SEMA3A: variants seen among roughly 807,000 people sequenced by gnomAD.
SEMA3A encodes the protein semaphorin-3A.
Under a neutral mutation model 97.9 loss-of-function variants are expected in SEMA3A, and 29 were observed. The observed-to-expected ratio is 0.30, with a 90% CI of 0.22 to 0.40. The LOEUF is 0.40. SEMA3A is among the 10% of genes least tolerant of loss of function. SEMA3A has a pLI of 1.00. For synonymous variants in SEMA3A, 321 were observed against 323.7 expected (o/e 0.99, Z 0.09); for missense variants, 763 against 951.3 (o/e 0.80, Z 2.60).
chr7:84,230,706 T>C (rs1269927931), intron 3 of SEMA3A, among the ~76,000 whole-genome samples: 1 of 152,014 alleles, frequency 6.6e-6, no homozygotes, highest in Non-Finnish European at 1.5e-5. Flanking sequence ...TCTCAACTTC[T>C]CTTGATTACA....
At chr7:84,340,309 G>A (rs1302938860) in intron 2 of SEMA3A, among the ~76,000 whole-genome samples, 1 of 152,090 alleles carries the variant, frequency 6.6e-6, no homozygotes, top group East Asian at 1.9e-4. Flanking sequence ...ATTATAGCAT[G>A]TAATTAAAAG....
chr7:84,113,526 C>T (rs549746328), intron 3 of SEMA3A, among the ~76,000 whole-genome samples: 43 of 152,228 alleles, frequency 2.8e-4, no homozygotes, highest in Middle Eastern at 6.8e-3. Context: ...TGAACCATGA[C>T]GATTCTTAAA....
intron 3 of SEMA3A, among the ~76,000 whole-genome samples, chr7:84,116,576 G>T (rs1396036309): frequency 6.6e-6 from 1 of 152,014 alleles, no homozygotes; most frequent in Non-Finnish European, 1.5e-5. Flanking sequence ...ACTCTATTTG[G>T]GGATTAGGGT....
chr7:84,249,985 CGT>C (rs1164606028), intron 3 of SEMA3A, among the ~76,000 whole-genome samples: 5 of 150,640 alleles, frequency 3.3e-5, no homozygotes, highest in Admixed American at 6.6e-5. Context: ...TCTGCTCAAA[CGT>C]ATGAAATATT....
chr7:84,122,311 C>T (rs7780521), intron 3 of SEMA3A, among the ~76,000 whole-genome samples: 35,960 of 151,816 alleles, frequency 0.24, 4,452 homozygotes, highest in African/African-American at 0.31. Flanking sequence ...ATGTAGCCAA[C>T]AGAAACATGA....
chr7:84,314,583 G>A (rs1801447535), intron 2 of SEMA3A, among the ~76,000 whole-genome samples: 1 of 152,134 alleles, frequency 6.6e-6, no homozygotes, highest in African/African-American at 2.4e-5. Context: ...CATATAATGT[G>A]TGCAATATAT....
At chr7:84,250,129 C>T (rs1180209537) in intron 3 of SEMA3A, among the ~76,000 whole-genome samples, 1 of 151,732 alleles carries the variant, frequency 6.6e-6, no homozygotes, top group East Asian at 1.9e-4. Flanking sequence ...ATAAACTATA[C>T]TGGTGTGTGA....
chr7:84,026,190 A>C (rs1165681923), intron 6 of SEMA3A, among the ~76,000 whole-genome samples: 9 of 152,188 alleles, frequency 5.9e-5, no homozygotes, highest in Non-Finnish European at 1.5e-5. Context: ...CATCACGAAC[A>C]TCACTGTGGT....
chr7:84,073,653 A>G (rs1793829352), intron 4 of SEMA3A, among the ~76,000 whole-genome samples: 1 of 152,216 alleles, frequency 6.6e-6, no homozygotes, highest in East Asian at 1.9e-4. Flanking sequence ...TTAGAGACAC[A>G]CAAGCCTGGC....
intron 4 of SEMA3A, among the ~76,000 whole-genome samples, chr7:84,095,338 T>TGGC (rs1328769747): frequency 0.015 from 838 of 55,886 alleles, 14 homozygotes; most frequent in Non-Finnish European, 0.026. Context: ...ATATTATATA[T>TGGC]ATTTTATATT....
chr7:84,158,546 C>A (rs900733063), intron 1 of SEMA3A, among the ~76,000 whole-genome samples: 5 of 152,100 alleles, frequency 3.3e-5, no homozygotes, highest in Admixed American at 3.3e-4. Context: ...TGCTTCAGAG[C>A]ATTTATCATA....
chr7:84,049,733 CTTT>C (rs1792523481), intron 5 of SEMA3A, among the ~76,000 whole-genome samples: 2 of 150,100 alleles, frequency 1.3e-5, no homozygotes, highest in Admixed American at 6.7e-5. Context: ...TATTATTATA[CTTT>C]AAGTTTTAGG....
chr7:84,057,751 G>GATAAATAAATAAATAA (rs71297135), intron 5 of SEMA3A, among the ~76,000 whole-genome samples: 35 of 142,714 alleles, frequency 2.5e-4, no homozygotes, highest in African/African-American at 3.6e-4. Flanking sequence ...GACAGAGCAA[G>GATAAATAAATAAATAA]ATAAATAAAT....
At chr7:84,124,725 G>A (rs904190218) in intron 3 of SEMA3A, among the ~76,000 whole-genome samples, 7 of 151,944 alleles carry the variant, frequency 4.6e-5, no homozygotes, top group African/African-American at 1.7e-4. Flanking sequence ...AAATCCCAGG[G>A]ATCCATCCAA....
chr7:83,988,163 T>G lies in SEMA3A; in HGVS notation c.1453-2686A>C, dbSNP rs1028465393. ...ATTTACTGTTCCTTGCCCACTCCTT[T>G]CTACTCTCCTTTGGATGCTATTTTT... On this transcript the variant is annotated intron_variant, in intron 12 of 16. Transcript: ENST00000265362. 3.9e-5 allele frequency among the ~76,000 whole-genome samples: 6 copies of G among 152,302 alleles called. No individual in the cohort carries two copies. The East Asian group carries it at 1.2e-3, about 29-fold the overall frequency.
intron 1 of SEMA3A, among the ~76,000 whole-genome samples, chr7:84,396,293 G>T (rs1803729879): frequency 6.6e-6 from 1 of 151,024 alleles, no homozygotes; most frequent in Non-Finnish European, 1.5e-5. Context: ...ATCAGCAACA[G>T]GGTCAATACA....
At chr7:84,471,977 T>G (rs1806165687) in intron 1 of SEMA3A, among the ~76,000 whole-genome samples, 1 of 151,950 alleles carries the variant, frequency 6.6e-6, no homozygotes, top group Non-Finnish European at 1.5e-5. Flanking sequence ...TTATTATTAA[T>G]TGCATTGACC....
At chr7:84,396,526 T>C (rs1200640137) in intron 1 of SEMA3A, among the ~76,000 whole-genome samples, 1 of 151,866 alleles carries the variant, frequency 6.6e-6, no homozygotes, top group Non-Finnish European at 1.5e-5. Context: ...AATAATAAGT[T>C]CAATATATTG....
chr7:84,347,408 AC>A (rs944097825), intron 2 of SEMA3A, among the ~76,000 whole-genome samples: 2 of 143,068 alleles, frequency 1.4e-5, no homozygotes, highest in African/African-American at 5.1e-5. Context: ...GATTCTTCAA[AC>A]CTTTTTTTTT....
Sources: allele counts gnomAD v4.1 joint callset (sites outside exome capture counted in the v4.1 genomes callset), GRCh38; gene constraint gnomAD v4.1.1; transcripts MANE v1.5; gene names NCBI Gene and HGNC (gene_info 2026-07-23, HGNC 2026-07-21).